Variants in C5orf63 observed in about 807,000 individuals in gnomAD.
C5orf63 encodes the protein glutaredoxin-like protein C5orf63.
A neutral mutation model predicts 13.3 loss-of-function variants in C5orf63; 18 were observed. The ratio of observed to expected loss-of-function variants is 1.36; its 90% CI spans 0.94 to 2.01. C5orf63 has a LOEUF of 2.01. Among genes scored for constraint, C5orf63 ranks in the 30% most tolerant of loss-of-function variants. C5orf63 has a pLI of 0.00. For synonymous variants in C5orf63, 38 were observed against 44.7 expected (o/e 0.85, Z 0.60); for missense variants, 118 against 127.7 (o/e 0.92, Z 0.36).
chr5:127,065,507 A>G (rs1347005265), intron 2 of C5orf63, among the ~76,000 whole-genome samples: 4 of 152,180 alleles, frequency 2.6e-5, no homozygotes, highest in Admixed American at 1.3e-4. Flanking sequence ...CACAAAGGTA[A>G]TGGAGGTAGG....
intron 2 of C5orf63, among the ~76,000 whole-genome samples, chr5:127,060,470 C>T (rs537017952): frequency 6.6e-6 from 1 of 152,322 alleles, no homozygotes; most frequent in South Asian, 2.1e-4. Context: ...ACTGAGTCTC[C>T]AGTTTTGTCC....
intron 2 of C5orf63, among the ~76,000 whole-genome samples, chr5:127,066,482 G>C (rs534771075): frequency 6.6e-6 from 1 of 152,118 alleles, no homozygotes; most frequent in East Asian, 1.9e-4. Context: ...TGGACATGAG[G>C]AATTAAAGAA....
chr5:127,059,646 T>C (rs773239337), intron 2 of C5orf63, among the ~76,000 whole-genome samples: 1 of 150,830 alleles, frequency 6.6e-6, no homozygotes, highest in Non-Finnish European at 1.5e-5. Context: ...GACAATCACC[T>C]GAGCCTGGGA....
downstream of C5orf63, among the ~76,000 whole-genome samples, chr5:127,049,613 T>G (rs1448074277): frequency 2.0e-5 from 3 of 152,218 alleles, no homozygotes; most frequent in Non-Finnish European, 4.4e-5. Context: ...GGACTATGAT[T>G]TATTCATTTC....
downstream of C5orf63, chr5:127,043,691 C>T (rs1324909223): frequency 6.6e-6 from 1 of 152,142 alleles, no homozygotes; most frequent in Non-Finnish European, 1.5e-5. Context: ...CAGTTCTTTC[C>T]CAACTTCTGA....
intron 4 of C5orf63, 59 bp downstream of exon 4, chr5:127,052,554 C>T: frequency 8.3e-7 from 1 of 1,207,352 alleles, no homozygotes; most frequent in Non-Finnish European, 1.1e-6. Context: ...CAGGCAGATA[C>T]TTTATACCAC....
At position 127,052,651 on chromosome 5, in the gene C5orf63, C is replaced by T. The variant is rs1323014511; in HGVS notation, c.133G>A (p.Asp45Asn). Residue 45 changes from aspartate to asparagine, a missense_variant, in exon 4 of 5, where the codon GAT (aspartate) becomes AAT (asparagine). Transcript: ENST00000296662. ...GGCTTGAGTACTTCCTTGGCTTCAT[C>T]ACAAAGGGGGCATGGGTCCTACAGG... ...LFTKDPCPLCDEAKEVLKPYE... is the reference protein window; with the variant it reads ...LFTKDPCPLCNEAKEVLKPYE... 2 of 1,510,574 alleles carry T rather than the reference C, an allele frequency of 1.3e-6. No homozygotes were observed. The highest frequency in any genetic ancestry group is 2.3e-5 in the Admixed American group (1 of 44,418). The allele number at this position is 1,510,574 out of a possible 1,614,324, so 93.6% of individuals were successfully genotyped here.
At chr5:127,072,966 C>G (rs1056111327) in intron 1 of C5orf63, 3 of 152,236 alleles carry the variant, frequency 2.0e-5, no homozygotes, top group African/African-American at 7.2e-5. Flanking sequence ...AGCCCCGGCA[C>G]TCACAATGTT....
intron 3 of C5orf63, among the ~76,000 whole-genome samples, chr5:127,054,798 T>G (rs1753816302): frequency 6.6e-6 from 1 of 152,244 alleles, no homozygotes; most frequent in Non-Finnish European, 1.5e-5. Flanking sequence ...GTTTTAGTCA[T>G]GAAGTCCTTG....
intron 2 of C5orf63, among the ~76,000 whole-genome samples, chr5:127,068,528 A>C (rs1263283485): frequency 6.6e-6 from 1 of 152,166 alleles, no homozygotes; most frequent in Non-Finnish European, 1.5e-5. Flanking sequence ...AAAAATAATG[A>C]ATTTCTCTTT....
At chr5:127,048,438 C>T (rs532319091), downstream of C5orf63, among the ~76,000 whole-genome samples, 2 of 152,256 alleles carry the variant, frequency 1.3e-5, no homozygotes, top group Non-Finnish European at 2.9e-5. Flanking sequence ...GACATACATT[C>T]GCTTTCCAGT....
rs1561494764 is a variant in C5orf63, at chr5:127,073,444, A to C, written c.-110+7T>G. The C allele has an allele frequency of 6.6e-6, 1 of 152,328 alleles. No homozygotes were observed. The highest frequency in any genetic ancestry group is 1.5e-5 in the Non-Finnish European group (1 of 68,136). 9.4% of individuals were successfully genotyped at this position (152,328 alleles called of 1,614,324 possible). On this transcript the variant is annotated splice_region_variant and intron_variant, in intron 1 of 4. Transcript: ENST00000296662. Reference sequence around the variant, plus strand: ...CTCACCCTCGGCGCGGGACTAAGGGAACCCACCTGAGCCTCACGCCGCCAA... The same window carrying C: ...CTCACCCTCGGCGCGGGACTAAGGGCACCCACCTGAGCCTCACGCCGCCAA...
chr5:127,062,053 TG>T (rs1754130264), intron 2 of C5orf63, among the ~76,000 whole-genome samples: 1 of 152,358 alleles, frequency 6.6e-6, no homozygotes, highest in African/African-American at 2.4e-5. Context: ...GAGTTGAGAC[TG>T]AAGTATTAAG....
At chr5:127,060,303 C>T (rs1754052248) in intron 2 of C5orf63, among the ~76,000 whole-genome samples, 1 of 152,090 alleles carries the variant, frequency 6.6e-6, no homozygotes, top group African/African-American at 2.4e-5. Context: ...CACAAATGTA[C>T]TTGTGTTTCT....
chr5:127,067,697 A>G (rs1440449056), intron 2 of C5orf63, among the ~76,000 whole-genome samples: 1 of 152,088 alleles, frequency 6.6e-6, no homozygotes, highest in Non-Finnish European at 1.5e-5. Flanking sequence ...TTTTCCCAAT[A>G]TTTGTTTTTA....
intron 3 of C5orf63, among the ~76,000 whole-genome samples, chr5:127,056,183 C>T (rs534495243): frequency 2.0e-5 from 3 of 152,268 alleles, no homozygotes; most frequent in South Asian, 4.1e-4. Flanking sequence ...TAGGCTCAGG[C>T]AATCAGTGCA....
intron 2 of C5orf63, among the ~76,000 whole-genome samples, chr5:127,061,459 C>T (rs964930795): frequency 8.5e-5 from 13 of 152,152 alleles, no homozygotes; most frequent in African/African-American, 3.1e-4. Flanking sequence ...ATCTCTCTGC[C>T]AACTAAATGA....
At chr5:127,048,246 GACACACACACACACACACACACAC>G (rs71822352), downstream of C5orf63, among the ~76,000 whole-genome samples, 2 of 134,684 alleles carry the variant, frequency 1.5e-5, no homozygotes, top group Non-Finnish European at 3.2e-5. Flanking sequence ...GGTCCATGAG[GACACACACACACACACACACACAC>G]ACACACACAC....
chr5:127,056,171 C>G (rs1753878384), intron 3 of C5orf63, among the ~76,000 whole-genome samples: 1 of 152,168 alleles, frequency 6.6e-6, no homozygotes, highest in Non-Finnish European at 1.5e-5. Flanking sequence ...AGAAACCTGA[C>G]TTAGGCTCAG....
Sources: gnomAD v4.1 joint callset for allele counts (sites outside exome capture counted in the v4.1 genomes callset) on GRCh38, gnomAD v4.1.1 for gene constraint, MANE v1.5 for transcripts, NCBI Gene and HGNC (gene_info 2026-07-23, HGNC 2026-07-21) for gene names.